The following RNASEH2B variants were observed in gnomAD, a reference collection of about 807,000 sequenced individuals.
RNASEH2B encodes Aicardi-Goutieres syndrome 2 protein.
Under a neutral mutation model 45.0 loss-of-function variants are expected in RNASEH2B, and 36 were observed. That is an observed-to-expected ratio of 0.80 (90% CI 0.61 to 1.06). The LOEUF (loss-of-function observed/expected upper bound fraction) is 1.06, where lower values mean the gene tolerates loss of function less well. Among genes scored for constraint, RNASEH2B ranks in the 50% least tolerant of loss-of-function variants. The pLI, the probability that RNASEH2B is intolerant of heterozygous loss-of-function variation, is 0.00. For synonymous variants in RNASEH2B, 119 were observed against 125.7 expected (o/e 0.95, Z 0.35); for missense variants, 361 against 360.3 (o/e 1.00, Z -0.02).
chr13:50,940,318 G>A (rs1307150967), intron 5 of RNASEH2B, among the ~76,000 whole-genome samples: 2 of 152,150 alleles, frequency 1.3e-5, no homozygotes, highest in South Asian at 4.1e-4. Context: ...TTACATGACT[G>A]CATACATTTT....
intron 2 of RNASEH2B, among the ~76,000 whole-genome samples, chr13:50,929,216 T>C (rs1221639484): frequency 6.6e-6 from 1 of 152,222 alleles, no homozygotes. Context: ...AAGGACAGGC[T>C]TTGTATTAGT....
intron 7 of RNASEH2B, among the ~76,000 whole-genome samples, chr13:50,945,888 T>C (rs1951894969): frequency 6.6e-6 from 1 of 152,200 alleles, no homozygotes; most frequent in African/African-American, 2.4e-5. Context: ...AATTTCATAA[T>C]GAGCATCTTG....
chr13:50,924,397 A>G (rs1462890675), intron 1 of RNASEH2B, among the ~76,000 whole-genome samples: 3 of 152,210 alleles, frequency 2.0e-5, no homozygotes, highest in Admixed American at 1.3e-4. Context: ...TGGCAATACT[A>G]ATATCACATG....
At chr13:50,963,356 G>T (rs1224452250) in intron 9 of RNASEH2B, among the ~76,000 whole-genome samples, 1 of 151,870 alleles carries the variant, frequency 6.6e-6, no homozygotes, top group African/African-American at 2.4e-5. Context: ...TAGAGATGGG[G>T]TTTCTCCATG....
upstream of RNASEH2B, chr13:50,909,741 G>GC (rs932302747): frequency 5.2e-5 from 12 of 228,646 alleles, no homozygotes; most frequent in Non-Finnish European, 8.6e-5. Context: ...CGGCGACCCC[G>GC]CCCCGCTCCG....
chr13:50,922,065 G>T (rs1951530961), intron 1 of RNASEH2B, among the ~76,000 whole-genome samples: 1 of 152,190 alleles, frequency 6.6e-6, no homozygotes, highest in Non-Finnish European at 1.5e-5. Flanking sequence ...CCTTGGAAAA[G>T]TCTCATTTGC....
intron 1 of RNASEH2B, chr13:50,915,486 C>A (rs868066442): frequency 1.0e-5 from 4 of 398,510 alleles, no homozygotes; most frequent in African/African-American, 8.2e-5. Flanking sequence ...GTTCGTGGTA[C>A]CTCTTTGACC....
At chr13:50,915,573 A>T (rs1593445578) in intron 1 of RNASEH2B, 3 of 398,096 alleles carry the variant, frequency 7.5e-6, no homozygotes, top group East Asian at 7.1e-5. Context: ...AATACATGCC[A>T]GGAGCTAGAG....
In RNASEH2B at chr13:50,945,520, A is replaced by G. The variant is rs1469975318; in HGVS notation, c.604A>G (p.Thr202Ala). 7 of 1,610,804 alleles carry G rather than the reference A, an allele frequency of 4.3e-6. No homozygotes were observed. Among genetic ancestry groups the G allele is most frequent in the Non-Finnish European group, 5.9e-6 (7 of 1,177,052 alleles). Residue 202 changes from threonine to alanine, a missense_variant, in exon 7 of 11, where the codon ACT becomes GCT. Coordinates refer to ENST00000336617, the MANE Select transcript of RNASEH2B (RefSeq NM_024570.4). ...TAFFSGDQASTDKEEDYIRYA... is the reference protein window; with the variant it reads ...TAFFSGDQASADKEEDYIRYA... ...ATTTTTCTCTGGTGACCAAGCTTCC[A>G]CTGACAAGGAAGGTAAGTAAAGCAT...
At chr13:50,912,139 G>C (rs1371527949) in intron 1 of RNASEH2B, 3 of 152,268 alleles carry the variant, frequency 2.0e-5, no homozygotes, top group Non-Finnish European at 4.4e-5. Context: ...TGTGGTCAGG[G>C]GGGCAGGAAC....
intron 9 of RNASEH2B, among the ~76,000 whole-genome samples, chr13:50,967,288 T>TA (rs1952174693): frequency 6.6e-6 from 1 of 152,232 alleles, no homozygotes; most frequent in South Asian, 2.1e-4. Flanking sequence ...AAAATGCTCA[T>TA]ACTGGGTTTT....
chr13:50,953,764 G>C (rs1324761566), intron 9 of RNASEH2B, 141 bp from the exon 10 acceptor site: 12 of 654,550 alleles, frequency 1.8e-5, no homozygotes, highest in Non-Finnish European at 3.0e-5. Flanking sequence ...AAAGGAGCCT[G>C]TAAAAAGTAA....
chr13:50,935,134 A>T, intron 5 of RNASEH2B, 135 bp downstream of exon 5: 2 of 694,488 alleles, frequency 2.9e-6, no homozygotes, highest in Non-Finnish European at 5.2e-6. Context: ...AGATTTGCTA[A>T]CACTGCCAGC....
chr13:50,913,120 C>T (rs968636558), intron 1 of RNASEH2B: 1 of 152,186 alleles, frequency 6.6e-6, no homozygotes, highest in Non-Finnish European at 1.5e-5. Flanking sequence ...AACCATTTCC[C>T]ATTTCAGCAA....
chr13:50,934,798 A>G (rs1169169967), intron 4 of RNASEH2B, 87 bp from the exon 5 acceptor site: 2 of 907,178 alleles, frequency 2.2e-6, no homozygotes, highest in Admixed American at 4.0e-5. Context: ...TTAAAGGCCC[A>G]GCCATGAGTT....
At chr13:50,962,965 A>G (rs1262922474) in intron 9 of RNASEH2B, among the ~76,000 whole-genome samples, 1 of 151,718 alleles carries the variant, frequency 6.6e-6, no homozygotes, top group Non-Finnish European at 1.5e-5. Context: ...TCTGGCCTCC[A>G]ATTTCATGTA....
At chr13:50,930,628 G>A in intron 3 of RNASEH2B, 55 bp from the exon 4 acceptor site, 4 of 1,243,856 alleles carry the variant, frequency 3.2e-6, no homozygotes, top group Non-Finnish European at 4.7e-6. Flanking sequence ...AGGTGAAATA[G>A]CCACATTGTC....
intron 1 of RNASEH2B, chr13:50,915,338 G>T: frequency 2.5e-6 from 1 of 398,010 alleles, no homozygotes; most frequent in South Asian, 1.3e-4. Context: ...TCTCCGTCTT[G>T]ACTTTGTGTC....
At chr13:50,957,684 C>G (rs1226748847), downstream of RNASEH2B, among the ~76,000 whole-genome samples, 1 of 152,204 alleles carries the variant, frequency 6.6e-6, no homozygotes, top group Non-Finnish European at 1.5e-5. Flanking sequence ...GAGAATTCTT[C>G]AAACTGCTTT....
Sources: gnomAD v4.1 joint callset for allele counts (sites outside exome capture counted in the v4.1 genomes callset) on GRCh38, gnomAD v4.1.1 for gene constraint, MANE v1.5 for transcripts, NCBI Gene and HGNC (gene_info 2026-07-23, HGNC 2026-07-21) for gene names.